CRYBG1: variants seen among roughly 807,000 people sequenced by gnomAD.
The protein encoded by CRYBG1 is crystallin beta-gamma domain containing 1, also known as beta/gamma crystallin domain-containing protein 1.
Under a neutral mutation model 189.2 loss-of-function variants are expected in CRYBG1, and 139 were observed. That is an observed-to-expected ratio of 0.73 (90% confidence interval 0.64 to 0.85). The LOEUF is 0.85. Ranked by LOEUF, CRYBG1 falls within the 40% of genes least tolerant of loss-of-function variation. The pLI is 0.00. For synonymous variants in CRYBG1, 1,023 were observed against 1,017.1 expected, an observed-to-expected ratio of 1.01 and a Z score of -0.11; for missense variants, 2,611 against 2,675.8, an observed-to-expected ratio of 0.98 and a Z score of 0.53.
intron 1 of CRYBG1, among the ~76,000 whole-genome samples, chr6:106,367,182 C>T (rs1019310372): frequency 2.6e-5 from 4 of 152,180 alleles, no homozygotes; most frequent in Non-Finnish European, 4.4e-5. Context: ...CCACACTTTC[C>T]ATCACAATCT....
intron 1 of CRYBG1, among the ~76,000 whole-genome samples, chr6:106,439,370 G>T (rs1771527992): frequency 6.6e-6 from 1 of 151,970 alleles, no homozygotes; most frequent in East Asian, 1.9e-4. Context: ...AAATAAGTTT[G>T]TTTCCTTTTT....
At chr6:106,381,199 A>C in intron 1 of CRYBG1, among the ~76,000 whole-genome samples, 1 of 152,204 alleles carries the variant, frequency 6.6e-6, no homozygotes, top group Middle Eastern at 3.2e-3. Flanking sequence ...TAATGACAAA[A>C]ATTCAGGGGA....
intron 13 of CRYBG1, among the ~76,000 whole-genome samples, chr6:106,548,778 A>T (rs1388161573): frequency 6.6e-6 from 1 of 151,622 alleles, no homozygotes; most frequent in Non-Finnish European, 1.5e-5. Context: ...GTTTTAGGGT[A>T]CATGTGCACA....
intron 1 of CRYBG1, among the ~76,000 whole-genome samples, chr6:106,432,371 G>T (rs7451442): frequency 0.5 from 75,960 of 151,920 alleles, 20,284 homozygotes; most frequent in East Asian, 0.83. Flanking sequence ...AAACCATATT[G>T]TACTTCTAAC....
At chr6:106,461,750 C>T (rs1393654154) in intron 2 of CRYBG1, among the ~76,000 whole-genome samples, 2 of 152,202 alleles carry the variant, frequency 1.3e-5, no homozygotes, top group Non-Finnish European at 1.5e-5. Context: ...TGTTCTCTCT[C>T]GGGAAAAATA....
chr6:106,421,610 C>G (rs1299916245), intron 1 of CRYBG1, among the ~76,000 whole-genome samples: 1 of 152,116 alleles, frequency 6.6e-6, no homozygotes, highest in Non-Finnish European at 1.5e-5. Context: ...CATTTGGACC[C>G]TGTCTCAGAT....
intron 1 of CRYBG1, among the ~76,000 whole-genome samples, chr6:106,427,773 C>T (rs1281389393): frequency 6.6e-6 from 1 of 152,168 alleles, no homozygotes; most frequent in East Asian, 1.9e-4. Flanking sequence ...AGTGCTTCCT[C>T]ATTACACTCA....
At chr6:106,510,632 C>T (rs569462945) in intron 2 of CRYBG1, among the ~76,000 whole-genome samples, 3 of 152,302 alleles carry the variant, frequency 2.0e-5, no homozygotes, top group Admixed American at 1.3e-4. Flanking sequence ...GAGTCCCAAG[C>T]GCATCCTTCA....
chr6:106,486,051 T>C lies in CRYBG1; in HGVS notation c.313-25379T>C, dbSNP rs574824294. Among the ~76,000 whole-genome samples, 5 of 152,274 alleles carry C rather than the reference T, an allele frequency of 3.3e-5. No homozygotes were observed. The East Asian group carries it at 9.6e-4, about 29-fold the overall frequency. Reference sequence around the variant, plus strand: ...TAGTTCACTGGGGTACATGGTTAGGTTATTTATTAGAAATCTTTCCTCTTT... The same window carrying C: ...TAGTTCACTGGGGTACATGGTTAGGCTATTTATTAGAAATCTTTCCTCTTT... On this transcript the variant is annotated intron_variant, in intron 2 of 21. Transcript: ENST00000633556.
At chr6:106,425,521 G>A (rs1206762316) in intron 1 of CRYBG1, among the ~76,000 whole-genome samples, 1 of 152,116 alleles carries the variant, frequency 6.6e-6, no homozygotes, top group Non-Finnish European at 1.5e-5. Context: ...TCTTATTACA[G>A]TCATCTGGGA....
At chr6:106,393,842 T>C (rs7766153) in intron 1 of CRYBG1, among the ~76,000 whole-genome samples, 2,887 of 152,190 alleles carry the variant, frequency 0.019, 92 homozygotes, top group African/African-American at 0.066. Flanking sequence ...TTGGCTAATT[T>C]ATGTATTTTT....
At chr6:106,527,147 T>C (rs1773758695) in intron 6 of CRYBG1, among the ~76,000 whole-genome samples, 158 bp from the exon 7 acceptor site, 1 of 152,106 alleles carries the variant, frequency 6.6e-6, no homozygotes, top group African/African-American at 2.4e-5. Context: ...CCCAGTAAAA[T>C]ATTAGTGTTA....
At chr6:106,452,227 T>C (rs1771796290) in intron 2 of CRYBG1, among the ~76,000 whole-genome samples, 1 of 132,410 alleles carries the variant, frequency 7.6e-6, no homozygotes, top group Non-Finnish European at 1.6e-5. Context: ...ACCAACATGA[T>C]GAAACCCAGA....
chr6:106,436,267 G>A (rs1015372696), intron 1 of CRYBG1, among the ~76,000 whole-genome samples: 2 of 150,532 alleles, frequency 1.3e-5, no homozygotes, highest in Admixed American at 6.6e-5. Context: ...TATGCTCTTA[G>A]ATATGTAACA....
Position 106,407,974 on chromosome 6 carries a change from A to G in CRYBG1, c.174-43720A>G, listed in dbSNP as rs557746013. Among the ~76,000 whole-genome samples the G allele has an allele frequency of 9.8e-5, 15 of 152,320 alleles. No homozygotes were observed. The South Asian group carries it at 3.1e-3, about 32-fold the overall frequency. On this transcript the variant is annotated intron_variant, in intron 1 of 21. Transcript: ENST00000633556. ...TCACAATTAAAAGAACCAGAAAAGC[A>G]AGGGCAAATAAACTCAAAAGCTAGC...
chr6:106,468,224 G>A (rs930507975), intron 2 of CRYBG1, among the ~76,000 whole-genome samples: 2 of 152,204 alleles, frequency 1.3e-5, no homozygotes, highest in African/African-American at 4.8e-5. Flanking sequence ...GGGAGTCGAG[G>A]AAGATAAGCA....
chr6:106,427,170 C>G (rs1402501016), intron 1 of CRYBG1, among the ~76,000 whole-genome samples: 1 of 152,170 alleles, frequency 6.6e-6, no homozygotes, highest in African/African-American at 2.4e-5. Context: ...GGACTTACAG[C>G]TTTAGATCAT....
rs190625463 is a variant in CRYBG1 at position 106,393,131 on chromosome 6, A to G, written c.173+32050A>G. On this transcript the variant is annotated intron_variant, in intron 1 of 21. Coordinates refer to ENST00000633556, the MANE Select transcript of CRYBG1 (RefSeq NM_001371242.2). ...CTCTGTACTAGAATTTTGTTTATCC[A>G]TAAGTCTTGTTTTAGTCCTAGAACA... Among the ~76,000 whole-genome samples, 391 of 152,302 alleles carry G rather than the reference A, an allele frequency of 2.6e-3. 5 individuals are homozygous for G. The highest frequency in any genetic ancestry group is 8.5e-3 in the African/African-American group (354 of 41,548).
intron 1 of CRYBG1, among the ~76,000 whole-genome samples, chr6:106,426,852 A>G (rs935769555): frequency 1.3e-5 from 2 of 152,232 alleles, no homozygotes; most frequent in African/African-American, 2.4e-5. Context: ...AATTCCTTCA[A>G]CATGGAAGGA....
Sources: allele counts gnomAD v4.1 joint callset (sites outside exome capture counted in the v4.1 genomes callset), GRCh38; gene constraint gnomAD v4.1.1; transcripts MANE v1.5; gene names NCBI Gene and HGNC (gene_info 2026-07-23, HGNC 2026-07-21).